RALY: variants seen among roughly 807,000 people sequenced by gnomAD.
RALY encodes RALY heterogeneous nuclear ribonucleoprotein, also known as RNA-binding protein Raly.
A neutral mutation model predicts 30.7 loss-of-function variants in RALY; 15 were observed. That is an observed-to-expected ratio of 0.49 (90% CI 0.33 to 0.75). The LOEUF is 0.75. Among genes scored for constraint, RALY ranks in the 30% least tolerant of loss-of-function variants. The probability of loss-of-function intolerance (pLI) is 0.02; values close to 1 mark genes in which losing one functional copy is unlikely to be tolerated. For synonymous variants in RALY, 177 were observed against 170.8 expected, an observed-to-expected ratio of 1.04 and a Z score of -0.28; for missense variants, 339 against 414.3, an observed-to-expected ratio of 0.82 and a Z score of 1.58.
In RALY at chr20:34,077,072, G is replaced by A. The variant is rs199964145; in HGVS notation, c.703G>A (p.Gly235Ser). The change falls in exon 8 of 10, where the codon GGT becomes AGT. Residue 235 changes from glycine (G) to serine (S), a missense_variant. Physicochemically the swap from Gly to Ser is moderately conservative, Grantham distance 56 (BLOSUM62 0). Around this residue, in one of 2 missense-constraint regions of RALY, gnomAD observed 268 missense variants for 280.6 expected, o/e 0.95. Transcript: ENST00000246194. ...GDGGGAGGGG[G>S]GGGSGGGGSG... ...TGGAGGTGGCGCCGGCGGCGGCGGC[G>A]GTGGTGGTGGCAGCGGTGGCGGTGG... The A allele has an allele frequency of 2.9e-5, 47 of 1,601,718 alleles. No homozygotes were observed. The highest frequency in any genetic ancestry group is 1.7e-4 in the Middle Eastern group (1 of 5,990).
chr20:34,058,441 AG>A (rs1215837027), intron 2 of RALY, among the ~76,000 whole-genome samples: 1 of 152,176 alleles, frequency 6.6e-6, no homozygotes, highest in Non-Finnish European at 1.5e-5. Context: ...AACAAGGGAC[AG>A]TGTCTAAGCT....
intron 1 of RALY, among the ~76,000 whole-genome samples, chr20:34,021,871 T>C (rs2031835926): frequency 6.6e-6 from 1 of 151,464 alleles, no homozygotes; most frequent in South Asian, 2.1e-4. Flanking sequence ...TTTTTTATTA[T>C]TAAAAAAATT....
intron 1 of RALY, among the ~76,000 whole-genome samples, chr20:34,004,493 C>T (rs2031071023): frequency 6.6e-6 from 1 of 152,168 alleles, no homozygotes; most frequent in Non-Finnish European, 1.5e-5. Context: ...ATGGGAACAA[C>T]TTGAGTAGAG....
intron 2 of RALY, among the ~76,000 whole-genome samples, chr20:34,037,155 C>A (rs180788243): frequency 8.1e-4 from 124 of 152,182 alleles, no homozygotes; most frequent in African/African-American, 2.6e-3. Context: ...TCAGAGGGGG[C>A]CTGATTCAGA....
chr20:34,045,850 G>A (rs922192766), intron 2 of RALY, among the ~76,000 whole-genome samples: 2 of 152,162 alleles, frequency 1.3e-5, no homozygotes, highest in African/African-American at 2.4e-5. Context: ...GCCTGCTCAA[G>A]GCTACTTACC....
intron 2 of RALY, among the ~76,000 whole-genome samples, chr20:34,032,518 GTTTTA>G (rs2032324185): frequency 6.6e-6 from 1 of 151,730 alleles, no homozygotes; most frequent in South Asian, 2.1e-4. Context: ...GTTGGGGGGG[GTTTTA>G]TTTTTGTTTT....
At chr20:34,063,128 G>C (rs1424616684) in intron 2 of RALY, among the ~76,000 whole-genome samples, 6 of 152,132 alleles carry the variant, frequency 3.9e-5, no homozygotes, top group African/African-American at 1.4e-4. Context: ...ACCAAGCTTT[G>C]GTTTCATCGT....
intron 1 of RALY, among the ~76,000 whole-genome samples, chr20:33,999,838 CCA>C (rs1244424073): frequency 1.3e-5 from 2 of 151,766 alleles, no homozygotes; most frequent in African/African-American, 4.8e-5. Context: ...ACTGTGTGCT[CCA>C]GTCTTTTTCT....
intron 1 of RALY, among the ~76,000 whole-genome samples, chr20:34,008,472 A>G (rs1399676544): frequency 6.6e-6 from 1 of 152,242 alleles, no homozygotes; most frequent in African/African-American, 2.4e-5. Flanking sequence ...AGAATTTTAA[A>G]GGTATTCCAT....
intron 1 of RALY, among the ~76,000 whole-genome samples, chr20:34,008,606 C>T (rs958690386): frequency 3.9e-5 from 6 of 152,120 alleles, no homozygotes; most frequent in Admixed American, 3.3e-4. Flanking sequence ...ACTGGTAGCC[C>T]CTTGGGCTGT....
At position 34,076,030 on chromosome 20, in the gene RALY, C is replaced by T; in HGVS notation, c.534C>T (p.Ala178=). 6.2e-7 allele frequency: 1 copy of T among 1,613,922 alleles called. No individual in the cohort carries two copies. The highest frequency in any genetic ancestry group is 1.1e-5 in the South Asian group (1 of 91,072). Residue 178 remains alanine, a synonymous_variant, in exon 6 of 10, where the codon GCC becomes GCT. Coordinates refer to ENST00000246194, the MANE Select transcript of RALY (RefSeq NM_016732.3). ...ARSTAVTTSS[A]KIKLKSSELQ... is the part of the protein sequence containing the mutation. ...CCACAGCTGTCACCACCAGCTCAGCCAAGATCAAGTGTGAGTGACTGTATC... is the reference window on the plus strand; with the variant it reads ...CCACAGCTGTCACCACCAGCTCAGCTAAGATCAAGTGTGAGTGACTGTATC...
At chr20:34,041,527 C>G (rs1225842994) in intron 2 of RALY, among the ~76,000 whole-genome samples, 1 of 152,212 alleles carries the variant, frequency 6.6e-6, no homozygotes, top group Non-Finnish European at 1.5e-5. Flanking sequence ...TCTCCACTTG[C>G]AAAAGGAGCA....
intron 1 of RALY, among the ~76,000 whole-genome samples, chr20:33,995,109 ACT>A (rs1450616911): frequency 6.6e-6 from 1 of 152,018 alleles, no homozygotes; most frequent in African/African-American, 2.4e-5. Flanking sequence ...TAGGGGCATA[ACT>A]CTGGGTTTTC....
intron 3 of RALY, 105 bp from the exon 4 acceptor site, chr20:34,073,458 T>C: frequency 5.7e-6 from 6 of 1,049,172 alleles, no homozygotes; most frequent in Non-Finnish European, 8.8e-6. Flanking sequence ...AGAATCCATG[T>C]GTATACCGTG....
intron 1 of RALY, among the ~76,000 whole-genome samples, chr20:34,028,705 CAAAAAAAAAAAAAAAAAAAAAA>C (rs71338492): frequency 2.4e-4 from 5 of 20,436 alleles, no homozygotes; most frequent in African/African-American, 6.2e-4. Flanking sequence ...GACTCCATCT[CAAAAAAAAAAAAAAAAAAAAAA>C]AAAAAAACAT....
intron 1 of RALY, among the ~76,000 whole-genome samples, chr20:34,005,100 C>G (rs1050900936): frequency 1.8e-4 from 27 of 152,194 alleles, no homozygotes; most frequent in Admixed American, 5.9e-4. Context: ...GCTTCTGATC[C>G]TGTGTCAGGT....
chr20:34,072,015 T>C (rs1423627537), intron 2 of RALY, 51 bp from the exon 3 acceptor site: 1 of 1,588,388 alleles, frequency 6.3e-7, no homozygotes, highest in Non-Finnish European at 8.6e-7. Context: ...CCGTGGGCAG[T>C]CCTTGAGCCC....
intron 8 of RALY, among the ~76,000 whole-genome samples, 155 bp from the exon 9 acceptor site, chr20:34,078,350 G>A (rs1449616717): frequency 6.6e-6 from 1 of 152,214 alleles, no homozygotes; most frequent in African/African-American, 2.4e-5. Flanking sequence ...TTGTTGGCTG[G>A]TCCCATAGTC....
At chr20:34,043,786 G>A (rs991636661) in intron 2 of RALY, among the ~76,000 whole-genome samples, 19 of 152,144 alleles carry the variant, frequency 1.2e-4, no homozygotes, top group African/African-American at 4.6e-4. Flanking sequence ...CGGCACAGAA[G>A]TAAGTCTTAG....
Sources: gnomAD v4.1 joint callset for allele counts (sites outside exome capture counted in the v4.1 genomes callset) on GRCh38, gnomAD v4.1.1 for gene constraint, gnomAD v4.1.1 regional missense constraint, MANE v1.5 for transcripts, NCBI Gene and HGNC (gene_info 2026-07-23, HGNC 2026-07-21) for gene names.